Variants in NARS2 observed in about 807,000 individuals in gnomAD.
The protein encoded by NARS2 is asparaginyl-tRNA synthetase 2, mitochondrial, also known as asparaginyl-tRNA synthetase.
NARS2 carries 60 observed loss-of-function variants against 62.9 expected under a neutral mutation model. The ratio of observed to expected loss-of-function variants is 0.95; its 90% CI spans 0.77 to 1.18. The LOEUF is 1.18. Among genes scored for constraint, NARS2 ranks in the 50% most tolerant of loss-of-function variants. The pLI, the probability that NARS2 is intolerant of heterozygous loss-of-function variation, is 0.00. For synonymous variants in NARS2, 196 were observed against 200.0 expected, an observed-to-expected ratio of 0.98 and a Z score of 0.17; for missense variants, 619 against 576.4, an observed-to-expected ratio of 1.07 and a Z score of -0.76.
At chr11:78,505,269 T>TACACACACAC (rs10533814) in intron 6 of NARS2, among the ~76,000 whole-genome samples, 32 of 133,426 alleles carry the variant, frequency 2.4e-4, no homozygotes, top group African/African-American at 7.8e-4. Context: ...GAAAACAAAA[T>TACACACACAC]ACACACACAC....
intron 6 of NARS2, among the ~76,000 whole-genome samples, chr11:78,521,799 A>AAAAAG (rs1861137008): frequency 6.6e-6 from 1 of 151,422 alleles, no homozygotes; most frequent in African/African-American, 2.4e-5. Flanking sequence ...CAAAAAAAAA[A>AAAAAG]AAAAAAAAAA....
Position 78,566,247 on chromosome 11 carries a change from C to T in NARS2, c.398G>A (p.Arg133Lys). Residue 133 changes from arginine to lysine, a missense_variant, in exon 4 of 14, where the codon AGG becomes AAG. By Grantham distance (26) the Arg-to-Lys change is conservative (BLOSUM62 2). Coordinates refer to ENST00000281038, the MANE Select transcript of NARS2 (RefSeq NM_024678.6). ...AKDFPIKYKE[R>K]HPLEYLRQYP... ...TTGTCGCAGATACTCCAGAGGATGCCTCTCTTTATATTTGATGGGGAAATC... is the reference window on the plus strand; with the variant it reads ...TTGTCGCAGATACTCCAGAGGATGCTTCTCTTTATATTTGATGGGGAAATC... 6.2e-7 allele frequency: 1 copy of T among 1,600,912 alleles called. No homozygotes were observed. Among genetic ancestry groups the T allele is most frequent in the Non-Finnish European group, 8.5e-7 (1 of 1,173,060 alleles).
intron 7 of NARS2, among the ~76,000 whole-genome samples, chr11:78,480,753 G>C (rs910597353): frequency 6.6e-6 from 1 of 151,604 alleles, no homozygotes; most frequent in Non-Finnish European, 1.5e-5. Flanking sequence ...AATCTGAAGG[G>C]AATAAGCAGA....
At chr11:78,494,119 A>G (rs1859951355) in intron 6 of NARS2, among the ~76,000 whole-genome samples, 1 of 152,194 alleles carries the variant, frequency 6.6e-6, no homozygotes, top group African/African-American at 2.4e-5. Flanking sequence ...TTGATTCCAG[A>G]GGACTATAGC....
chr11:78,494,805 C>T (rs1859987723), intron 6 of NARS2, among the ~76,000 whole-genome samples: 2 of 152,104 alleles, frequency 1.3e-5, no homozygotes, highest in Admixed American at 1.3e-4. Flanking sequence ...GACCCTGTTC[C>T]CCAAAACAAA....
At chr11:78,477,462 A>T (rs1278352599) in intron 9 of NARS2, among the ~76,000 whole-genome samples, 1 of 152,130 alleles carries the variant, frequency 6.6e-6, no homozygotes, top group African/African-American at 2.4e-5. Flanking sequence ...AGTCACCCTT[A>T]ACTCCTCTCT....
At chr11:78,466,038 C>G in intron 10 of NARS2, 25 bp from the exon 11 acceptor site, 1 of 1,561,984 alleles carries the variant, frequency 6.4e-7, no homozygotes, top group Non-Finnish European at 8.6e-7. Flanking sequence ...AAGAAATGAC[C>G]AAAAGAGGAG....
chr11:78,495,316 T>C (rs1041680588), intron 6 of NARS2, among the ~76,000 whole-genome samples: 1 of 152,106 alleles, frequency 6.6e-6, no homozygotes, highest in Non-Finnish European at 1.5e-5. Flanking sequence ...TACCCTGTAT[T>C]GCCTCCTCCC....
At chr11:78,558,759 A>G in intron 5 of NARS2, among the ~76,000 whole-genome samples, 1 of 152,238 alleles carries the variant, frequency 6.6e-6, no homozygotes, top group African/African-American at 2.4e-5. Context: ...AAGAGCCTTC[A>G]TGGGATGAAC....
intron 9 of NARS2, among the ~76,000 whole-genome samples, chr11:78,474,722 T>A (rs781106331): frequency 1.3e-5 from 2 of 152,198 alleles, no homozygotes; most frequent in African/African-American, 2.4e-5. Context: ...AATTTAAACA[T>A]AGCCTCTGAC....
chr11:78,461,822 A>ATGCGTC (rs1858411304), intron 11 of NARS2, among the ~76,000 whole-genome samples: 1 of 150,306 alleles, frequency 6.7e-6, no homozygotes, highest in Non-Finnish European at 1.5e-5. Flanking sequence ...GTGTGGTGGC[A>ATGCGTC]TGCGTCTGTA....
intron 4 of NARS2, among the ~76,000 whole-genome samples, chr11:78,563,844 AAAAAAAAATATAT>A (rs1354986461): frequency 2.3e-4 from 15 of 66,098 alleles, no homozygotes; most frequent in Non-Finnish European, 3.5e-4. Flanking sequence ...AAAAAAAAAA[AAAAAAAAATATAT>A]ATATATATAT....
In NARS2 at chr11:78,574,505, C is replaced by T; in HGVS notation, c.-17G>A. 2 of 1,599,290 alleles carry T rather than the reference C, an allele frequency of 1.3e-6. No homozygotes were observed. Among genetic ancestry groups the T allele is most frequent in the Non-Finnish European group, 1.7e-6 (2 of 1,173,826 alleles). On this transcript the variant is annotated 5_prime_UTR_variant, in exon 1 of 14. Coordinates refer to ENST00000281038, the MANE Select transcript of NARS2 (RefSeq NM_024678.6). ...CCCCAGCATCCCGCGTCCGCCCAGG[C>T]CCTCCGCGGGAGCAGCCCAGACCCC...
At chr11:78,482,175 G>T (rs1212287573) in intron 7 of NARS2, among the ~76,000 whole-genome samples, 1 of 152,076 alleles carries the variant, frequency 6.6e-6, no homozygotes, top group Non-Finnish European at 1.5e-5. Context: ...TGTCCAAGAT[G>T]AAATAAATTG....
In NARS2 at chr11:78,554,508, C is replaced by CGTGCGTGTGTGTGTGTGTGT. The variant is rs112168447; in HGVS notation, c.594+5030_594+5031insACACACACACACACACGCAC. ...TTAGCTGTATTCCTAGGCGTGTGTG[C>CGTGCGTGTGTGTGTGTGTGT]GTGTGTGTGTGTGTGTGTGTGTCAA... On this transcript the variant is annotated intron_variant, in intron 5 of 13. Transcript: ENST00000281038. 1.3e-3 allele frequency among the ~76,000 whole-genome samples: 198 copies of CGTGCGTGTGTGTGTGTGTGT among 147,014 alleles called. 1 individual carries two copies. Among genetic ancestry groups the CGTGCGTGTGTGTGTGTGTGT allele is most frequent in the South Asian group, 3.0e-3 (14 of 4,610 alleles).
At chr11:78,480,277 GT>G (rs1248776174) in intron 7 of NARS2, among the ~76,000 whole-genome samples, 1 of 151,924 alleles carries the variant, frequency 6.6e-6, no homozygotes, top group African/African-American at 2.4e-5. Flanking sequence ...TTTATTTATT[GT>G]TTTTTTAGAC....
chr11:78,506,224 G>A lies in NARS2; in HGVS notation c.690-13029C>T, dbSNP rs532413269. On this transcript the variant is annotated intron_variant, in intron 6 of 13. Transcript: ENST00000281038. The stretch of plus-strand genomic sequence containing the variant: ...CTTTTGTCAAAGACGTGGACCAACC[G>A]GCATCCTCATCCACTGCTAGCGGGC... 1.6e-3 allele frequency among the ~76,000 whole-genome samples: 244 copies of A among 152,188 alleles called. 1 individual carries two copies. Among genetic ancestry groups the A allele is most frequent in the Non-Finnish European group, 2.5e-3 (173 of 68,012 alleles).
At chr11:78,553,760 G>C (rs77853321) in intron 5 of NARS2, among the ~76,000 whole-genome samples, 3,627 of 152,198 alleles carry the variant, frequency 0.024, 135 homozygotes, top group African/African-American at 0.082. Flanking sequence ...AGTTTAATTA[G>C]ATCCAATTTG....
intron 6 of NARS2, among the ~76,000 whole-genome samples, chr11:78,515,768 C>G (rs1860886796): frequency 6.6e-6 from 1 of 152,184 alleles, no homozygotes; most frequent in Non-Finnish European, 1.5e-5. Context: ...AAGCCGTCCT[C>G]TTGCCTCGGC....
Sources: allele counts gnomAD v4.1 joint callset (sites outside exome capture counted in the v4.1 genomes callset), GRCh38; gene constraint gnomAD v4.1.1; transcripts MANE v1.5; gene names NCBI Gene and HGNC (gene_info 2026-07-23, HGNC 2026-07-21).